Variants in LRCH1 observed in about 807,000 individuals in gnomAD.
LRCH1 encodes the protein leucine rich repeats and calponin homology domain containing 1, also known as leucine-rich repeat and calponin homology domain-containing protein 1.
In LRCH1, 23 loss-of-function variants were observed where a neutral mutation model predicts 94.9. That is an observed-to-expected ratio of 0.24 (90% CI 0.17 to 0.34). LRCH1 has a LOEUF of 0.34. LRCH1 is among the 10% of genes least tolerant of loss of function. The pLI, the probability that LRCH1 is intolerant of heterozygous loss-of-function variation, is 1.00. For synonymous variants in LRCH1, 364 were observed against 354.9 expected (o/e 1.03, Z -0.29); for missense variants, 790 against 945.9 (o/e 0.84, Z 2.16).
chr13:46,732,867 C>T (rs957734097), intron 18 of LRCH1, among the ~76,000 whole-genome samples: 5 of 152,186 alleles, frequency 3.3e-5, no homozygotes. Context: ...GGCGACATCT[C>T]TTTAGGGCCC....
chr13:46,690,588 G>A (rs962186534), intron 7 of LRCH1, among the ~76,000 whole-genome samples: 1 of 152,140 alleles, frequency 6.6e-6, no homozygotes, highest in East Asian at 1.9e-4. Flanking sequence ...GATTTATTCT[G>A]TGCCTTTTAA....
chr13:46,601,812 G>A (rs2050631941), intron 1 of LRCH1, among the ~76,000 whole-genome samples: 1 of 152,148 alleles, frequency 6.6e-6, no homozygotes. Context: ...TGGGGTGTTA[G>A]GAATATAGGC....
chr13:46,586,524 C>T (rs1055508808), intron 1 of LRCH1, among the ~76,000 whole-genome samples: 8 of 152,174 alleles, frequency 5.3e-5, no homozygotes, highest in African/African-American at 1.7e-4. Context: ...TCAAGGGATC[C>T]TCCCACCTCA....
chr13:46,622,529 A>G (rs2050892642), intron 1 of LRCH1, among the ~76,000 whole-genome samples: 1 of 152,214 alleles, frequency 6.6e-6, no homozygotes, highest in African/African-American at 2.4e-5. Flanking sequence ...TTCCAGTGTC[A>G]GTAGAGCTTC....
At chr13:46,668,885 TCA>T in intron 2 of LRCH1, 143 bp from the exon 3 acceptor site, 1 of 699,548 alleles carries the variant, frequency 1.4e-6, no homozygotes, top group Non-Finnish European at 2.3e-6. Flanking sequence ...ATTTGAGTTG[TCA>T]CACAGAAAAT....
intron 1 of LRCH1, among the ~76,000 whole-genome samples, chr13:46,579,949 T>C (rs772053057): frequency 1.3e-5 from 2 of 152,222 alleles, no homozygotes; most frequent in African/African-American, 2.4e-5. Context: ...TTGAGAAGAC[T>C]TGCAGTCTGT....
chr13:46,667,949 A>G, intron 2 of LRCH1, among the ~76,000 whole-genome samples: 1 of 152,244 alleles, frequency 6.6e-6, no homozygotes, highest in East Asian at 1.9e-4. Context: ...GTCTATAAAT[A>G]CACTCACACA....
chr13:46,590,537 C>T (rs961748675), intron 1 of LRCH1, among the ~76,000 whole-genome samples: 4 of 152,144 alleles, frequency 2.6e-5, no homozygotes, highest in African/African-American at 9.7e-5. Flanking sequence ...TGGTGGCTCA[C>T]ACCTGTAATC....
intron 10 of LRCH1, among the ~76,000 whole-genome samples, chr13:46,699,623 G>A (rs1273074054): frequency 2.6e-5 from 4 of 152,160 alleles, no homozygotes; most frequent in Non-Finnish European, 4.4e-5. Context: ...AGTCTTATTT[G>A]TTTTGAGGTT....
At chr13:46,575,065 C>T (rs1422030142) in intron 1 of LRCH1, among the ~76,000 whole-genome samples, 1 of 152,030 alleles carries the variant, frequency 6.6e-6, no homozygotes, top group Non-Finnish European at 1.5e-5. Context: ...AAAGTTCCAA[C>T]CAAAATATAC....
chr13:46,735,735 G>A (rs545903104), intron 19 of LRCH1, among the ~76,000 whole-genome samples: 7 of 148,206 alleles, frequency 4.7e-5, no homozygotes, highest in East Asian at 3.9e-4. Context: ...ATCACTTAGC[G>A]TATTTCTGGA....
intron 15 of LRCH1, among the ~76,000 whole-genome samples, chr13:46,712,807 GT>G (rs1433656829): frequency 1.3e-5 from 2 of 152,158 alleles, no homozygotes; most frequent in Non-Finnish European, 2.9e-5. Flanking sequence ...TTCTATCTTC[GT>G]TTGAATCCGA....
intron 1 of LRCH1, among the ~76,000 whole-genome samples, chr13:46,625,898 C>A (rs1161195080): frequency 6.6e-6 from 1 of 152,094 alleles, no homozygotes; most frequent in Non-Finnish European, 1.5e-5. Flanking sequence ...AGTGATCTGC[C>A]CACCTCAGCC....
chr13:46,603,804 G>A (rs971863802), intron 1 of LRCH1, among the ~76,000 whole-genome samples: 1 of 152,028 alleles, frequency 6.6e-6, no homozygotes. Context: ...CTATAGGCTC[G>A]TGCCACCATA....
chr13:46,720,363 G>A (rs371377124), intron 16 of LRCH1, among the ~76,000 whole-genome samples: 16 of 152,256 alleles, frequency 1.1e-4, no homozygotes, highest in African/African-American at 3.9e-4. Context: ...CTCCAGCCTG[G>A]GCAACAGAGT....
chr13:46,573,604 T>C (rs776833358), intron 1 of LRCH1, among the ~76,000 whole-genome samples: 5 of 151,996 alleles, frequency 3.3e-5, no homozygotes, highest in African/African-American at 4.8e-5. Flanking sequence ...GACATCATTA[T>C]ATTAAGTGAA....
At chr13:46,637,394 A>G (rs1404506740) in intron 1 of LRCH1, among the ~76,000 whole-genome samples, 2 of 152,226 alleles carry the variant, frequency 1.3e-5, no homozygotes, top group Non-Finnish European at 2.9e-5. Context: ...AGTGGCCAGG[A>G]AATGGCAGAC....
intron 2 of LRCH1, among the ~76,000 whole-genome samples, chr13:46,654,301 T>C (rs370927365): frequency 1.8e-3 from 276 of 152,358 alleles, no homozygotes; most frequent in African/African-American, 6.3e-3. Flanking sequence ...ACGTGATGTC[T>C]CCTCCACAAC....
rs59582784 is a variant in LRCH1, at chr13:46,575,510, ATG to A, written c.307+21841_307+21842del. ...GCATAACTGAAAAATCTGTGCATGAATGTGTGTGTGTGTGTGTGTGTGTGTGT... is the reference window on the plus strand; with the variant it reads ...GCATAACTGAAAAATCTGTGCATGAATGTGTGTGTGTGTGTGTGTGTGTGT... On this transcript the variant is annotated intron_variant, in intron 1 of 19. Coordinates refer to ENST00000389797, the MANE Select transcript of LRCH1 (RefSeq NM_001164211.2). Among the ~76,000 whole-genome samples the A allele has an allele frequency of 8.6e-3, 1,237 of 143,322 alleles. 10 individuals are homozygous for A. The highest frequency in any genetic ancestry group is 0.02 in the African/African-American group (785 of 38,524). The allele number at this position is 143,322 out of a possible 152,430, so 94.0% of individuals were successfully genotyped here. A position where few individuals can be genotyped will look rare whatever the true frequency, so the allele number is the denominator to read the frequency against.
Sources: gnomAD v4.1 joint callset for allele counts (sites outside exome capture counted in the v4.1 genomes callset) on GRCh38, gnomAD v4.1.1 for gene constraint, MANE v1.5 for transcripts, NCBI Gene and HGNC (gene_info 2026-07-23, HGNC 2026-07-21) for gene names.